ARHGAP15: variants seen among roughly 807,000 people sequenced by gnomAD.
ARHGAP15 encodes Rho GTPase activating protein 15.
In ARHGAP15, 51 loss-of-function variants were observed where a neutral mutation model predicts 63.7. The observed-to-expected ratio is 0.80, with a 90% CI of 0.64 to 1.01. The LOEUF (loss-of-function observed/expected upper bound fraction) is 1.01. Among genes scored for constraint, ARHGAP15 ranks in the 50% least tolerant of loss-of-function variants. The pLI, the probability that ARHGAP15 is intolerant of heterozygous loss-of-function variation, is 0.00. For missense variants in ARHGAP15, 560 were observed against 564.6 expected, an observed-to-expected ratio of 0.99 and a Z score of 0.08; for synonymous variants, 191 against 193.8, an observed-to-expected ratio of 0.99 and a Z score of 0.12.
At chr2:143,353,596 T>C (rs1685671559) in intron 6 of ARHGAP15, among the ~76,000 whole-genome samples, 1 of 152,124 alleles carries the variant, frequency 6.6e-6, no homozygotes, top group South Asian at 2.1e-4. Context: ...CCGAATTACA[T>C]GAGACAGGAG....
intron 6 of ARHGAP15, among the ~76,000 whole-genome samples, chr2:143,319,120 G>A (rs986911881): frequency 2.0e-5 from 3 of 151,670 alleles, no homozygotes; most frequent in African/African-American, 4.8e-5. Flanking sequence ...TTGATTACTT[G>A]CCAGGATATA....
chr2:143,420,234 C>A (rs1034109320), intron 6 of ARHGAP15, among the ~76,000 whole-genome samples: 1 of 152,044 alleles, frequency 6.6e-6, no homozygotes, highest in Non-Finnish European at 1.5e-5. Flanking sequence ...GGAGGAGACT[C>A]AATTTACTCA....
chr2:143,445,078 T>C (rs932986224), intron 8 of ARHGAP15, among the ~76,000 whole-genome samples: 1 of 150,930 alleles, frequency 6.6e-6, no homozygotes, highest in African/African-American at 2.4e-5. Flanking sequence ...CATAACCAAG[T>C]AGAAAATATA....
At chr2:143,183,722 C>CTT (rs766431084) in intron 2 of ARHGAP15, among the ~76,000 whole-genome samples, 18,425 of 139,840 alleles carry the variant, frequency 0.13, 1,254 homozygotes, top group Middle Eastern at 0.25. Context: ...TTTTTCTTTT[C>CTT]TTTTTTTTTT....
At chr2:143,445,874 A>G (rs573437489) in intron 8 of ARHGAP15, among the ~76,000 whole-genome samples, 9 of 152,248 alleles carry the variant, frequency 5.9e-5, no homozygotes, top group African/African-American at 2.2e-4. Context: ...GTAATATATA[A>G]CAAATAATTA....
intron 2 of ARHGAP15, among the ~76,000 whole-genome samples, chr2:143,165,997 A>AAGGAAG (rs1558787751): frequency 1.1e-5 from 1 of 93,472 alleles, no homozygotes; most frequent in African/African-American, 3.8e-5. Flanking sequence ...AAAGAAAGAA[A>AAGGAAG]GAAAGAAGGA....
At chr2:143,420,927 C>A (rs1366248790) in intron 6 of ARHGAP15, among the ~76,000 whole-genome samples, 1 of 152,198 alleles carries the variant, frequency 6.6e-6, no homozygotes, top group Non-Finnish European at 1.5e-5. Context: ...CACACAGACA[C>A]ATGCTAGTAA....
chr2:143,152,772 G>A (rs771381354), intron 1 of ARHGAP15, among the ~76,000 whole-genome samples: 8 of 151,910 alleles, frequency 5.3e-5, no homozygotes, highest in Non-Finnish European at 8.8e-5. Context: ...AGCAAAGTAC[G>A]TGGGAAGCAG....
At chr2:143,630,939 A>G (rs1224980856) in intron 12 of ARHGAP15, among the ~76,000 whole-genome samples, 1 of 152,046 alleles carries the variant, frequency 6.6e-6, no homozygotes, top group Non-Finnish European at 1.5e-5. Context: ...TGTTATTCCC[A>G]AAAGTTTCCT....
intron 2 of ARHGAP15, among the ~76,000 whole-genome samples, chr2:143,198,433 C>T (rs1276302790): frequency 6.6e-6 from 1 of 151,702 alleles, no homozygotes. Context: ...ATATTTCATA[C>T]CATAAATTAC....
intron 6 of ARHGAP15, among the ~76,000 whole-genome samples, chr2:143,281,292 G>T (rs1435319918): frequency 6.6e-6 from 1 of 152,070 alleles, no homozygotes; most frequent in Non-Finnish European, 1.5e-5. Context: ...ATATACATAG[G>T]AAGGACAGTA....
rs1553480219 is a variant in ARHGAP15, at chr2:143,435,585, T to TTTC, written c.475-14_475-13insCTT. On this transcript the variant is annotated splice_polypyrimidine_tract_variant and intron_variant, in intron 6 of 13. Coordinates refer to ENST00000295095, the MANE Select transcript of ARHGAP15 (RefSeq NM_018460.4). ...CTTTACCTGTCTATTTCTTTTTCTT[T>TTTC]TTTTTTTTTTTGCAGATCACAACAG... The TTTC allele has an allele frequency of 2.0e-6, 3 of 1,465,720 alleles. No homozygotes were observed. The highest frequency in any genetic ancestry group is 1.4e-5 in the South Asian group (1 of 71,620). The allele number at this position is 1,465,720 out of a possible 1,614,324, so 90.8% of individuals were successfully genotyped here.
At chr2:143,400,871 T>C (rs545599542) in intron 6 of ARHGAP15, among the ~76,000 whole-genome samples, 6 of 152,170 alleles carry the variant, frequency 3.9e-5, no homozygotes, top group South Asian at 2.1e-4. Flanking sequence ...TGGGGACTTA[T>C]TGATTTTTGA....
chr2:143,593,899 A>T (rs1697412014), intron 11 of ARHGAP15, among the ~76,000 whole-genome samples: 1 of 152,214 alleles, frequency 6.6e-6, no homozygotes, highest in Admixed American at 6.5e-5. Context: ...CATACACGTT[A>T]CAAAAATGAT....
chr2:143,733,138 C>T (rs1433212601), intron 13 of ARHGAP15, among the ~76,000 whole-genome samples: 1 of 152,114 alleles, frequency 6.6e-6, no homozygotes, highest in Non-Finnish European at 1.5e-5. Flanking sequence ...TGGGAACAAA[C>T]TTAGGTCAAT....
At chr2:143,171,674 A>G (rs1410942342) in intron 2 of ARHGAP15, among the ~76,000 whole-genome samples, 1 of 152,128 alleles carries the variant, frequency 6.6e-6, no homozygotes, top group Non-Finnish European at 1.5e-5. Context: ...ATGCTTATCA[A>G]ACTGCCTCAA....
At chr2:143,445,962 A>G (rs1402424299) in intron 8 of ARHGAP15, among the ~76,000 whole-genome samples, 1 of 151,996 alleles carries the variant, frequency 6.6e-6, no homozygotes, top group Non-Finnish European at 1.5e-5. Flanking sequence ...CCAGTTTAAC[A>G]CAAAAGTTAT....
chr2:143,318,509 CTTTTTTTTTTT>C (rs535910161), intron 6 of ARHGAP15, among the ~76,000 whole-genome samples: 10 of 55,638 alleles, frequency 1.8e-4, no homozygotes, highest in South Asian at 8.1e-4. Context: ...GATTAAGGGC[CTTTTTTTTTTT>C]TTTTTTTTTT....
At chr2:143,574,640 C>G (rs1404968266) in intron 11 of ARHGAP15, among the ~76,000 whole-genome samples, 2 of 152,086 alleles carry the variant, frequency 1.3e-5, no homozygotes, top group African/African-American at 4.8e-5. Flanking sequence ...CAGGGAGTGT[C>G]CCCAAAGTGT....
Sources: gnomAD v4.1 joint callset for allele counts (sites outside exome capture counted in the v4.1 genomes callset) on GRCh38, gnomAD v4.1.1 for gene constraint, MANE v1.5 for transcripts, NCBI Gene and HGNC (gene_info 2026-07-23, HGNC 2026-07-21) for gene names.